STK39: variants seen among roughly 807,000 people sequenced by gnomAD.
STK39 encodes the protein serine/threonine kinase 39.
In STK39, 20 loss-of-function variants were observed where a neutral mutation model predicts 77.8. The ratio of observed to expected loss-of-function variants is 0.26; its 90% CI spans 0.18 to 0.37. The LOEUF is 0.37. Among genes scored for constraint, STK39 ranks in the 10% least tolerant of loss-of-function variants. The pLI is 1.00. For missense variants in STK39, 479 were observed against 656.5 expected (o/e 0.73, Z 2.95); for synonymous variants, 246 against 234.1 (o/e 1.05, Z -0.47).
chr2:168,215,157 T>G lies in STK39; in HGVS notation c.208+32071A>C, dbSNP rs557376584. 2.0e-5 allele frequency among the ~76,000 whole-genome samples: 3 copies of G among 152,300 alleles called. No homozygotes were observed. The South Asian group carries it at 6.2e-4, about 32-fold the overall frequency. ...CCAAACAAAAAGCCCTTTTCTGAAA[T>G]AAGTTTAAATTGTAGAGTTGTTTTT... On this transcript the variant is annotated intron_variant, in intron 1 of 17. Transcript: ENST00000355999.
intron 14 of STK39, among the ~76,000 whole-genome samples, chr2:168,042,925 T>TG (rs1423121703): frequency 2.0e-5 from 3 of 152,158 alleles, no homozygotes. Flanking sequence ...GATGGGTTTC[T>TG]GGGGATCAGT....
intron 16 of STK39, among the ~76,000 whole-genome samples, chr2:168,005,587 C>T (rs1014544689): frequency 1.3e-5 from 2 of 152,054 alleles, no homozygotes; most frequent in African/African-American, 4.8e-5. Context: ...CTATGTGTGT[C>T]AACAATGGTA....
chr2:168,007,541 T>C (rs1255627256), intron 16 of STK39, among the ~76,000 whole-genome samples: 2 of 152,064 alleles, frequency 1.3e-5, no homozygotes, highest in African/African-American at 4.8e-5. Context: ...ATACAGGCTA[T>C]TGAATGGGGA....
intron 10 of STK39, among the ~76,000 whole-genome samples, chr2:168,076,881 T>A (rs1369927414): frequency 6.6e-6 from 1 of 152,182 alleles, no homozygotes. Flanking sequence ...GGCAAAGTAC[T>A]ATAGAAAAAA....
intron 10 of STK39, among the ~76,000 whole-genome samples, chr2:168,123,859 C>T (rs1236137290): frequency 7.9e-6 from 1 of 127,046 alleles, no homozygotes; most frequent in Non-Finnish European, 1.6e-5. Context: ...GGCAAAAGAG[C>T]GAGATTCCAT....
At chr2:168,138,005 T>G in intron 8 of STK39, 83 bp downstream of exon 8, 1 of 1,505,798 alleles carries the variant, frequency 6.6e-7, no homozygotes, top group Non-Finnish European at 8.9e-7. Flanking sequence ...TCCAGTGTCC[T>G]CACAAAGCCT....
intron 14 of STK39, among the ~76,000 whole-genome samples, chr2:168,036,846 G>T (rs1262419812): frequency 1.3e-5 from 2 of 152,202 alleles, no homozygotes; most frequent in African/African-American, 4.8e-5. Context: ...GAGACTTGTA[G>T]GAAGAGGCTG....
At chr2:168,078,222 T>G (rs1686129586) in intron 10 of STK39, among the ~76,000 whole-genome samples, 1 of 152,198 alleles carries the variant, frequency 6.6e-6, no homozygotes, top group Non-Finnish European at 1.5e-5. Flanking sequence ...TATATTTTCT[T>G]CTCTTTCTCT....
At chr2:167,957,219 G>T (rs1281717718) in intron 17 of STK39, among the ~76,000 whole-genome samples, 2 of 152,088 alleles carry the variant, frequency 1.3e-5, no homozygotes, top group Non-Finnish European at 2.9e-5. Context: ...TAGCCTAAAG[G>T]ATAAAAATAT....
intron 1 of STK39, among the ~76,000 whole-genome samples, chr2:168,198,613 C>T (rs1329461489): frequency 2.0e-5 from 3 of 152,182 alleles, no homozygotes; most frequent in Non-Finnish European, 1.5e-5. Flanking sequence ...TCACAAAGCA[C>T]AGTAGGAAAT....
In STK39 at chr2:168,181,987, A is replaced by C. The variant is rs954473269; in HGVS notation, c.312T>G (p.Asp104Glu). ...INLEKCQTSM[D>E]ELLKEIQAMS... ...CTGCACTGTTACTTACTAATAGTTCATCCATACTGGTCTGGCATTTTTCCA... is the reference window on the plus strand; with the variant it reads ...CTGCACTGTTACTTACTAATAGTTCCTCCATACTGGTCTGGCATTTTTCCA... The change falls in exon 2 of 18, where the codon GAT (aspartate) becomes GAG (glutamate). Residue 104 changes from aspartate to glutamate, a missense_variant. Physicochemically the swap from Asp to Glu is conservative, Grantham distance 45 (BLOSUM62 2). Coordinates refer to ENST00000355999, the MANE Select transcript of STK39 (RefSeq NM_013233.3). 1.2e-6 allele frequency: 2 copies of C among 1,613,664 alleles called. No homozygotes were observed. Among genetic ancestry groups the C allele is most frequent in the Non-Finnish European group, 1.7e-6 (2 of 1,179,740 alleles).
At chr2:168,242,929 T>C (rs1450206292) in intron 1 of STK39, among the ~76,000 whole-genome samples, 2 of 151,208 alleles carry the variant, frequency 1.3e-5, no homozygotes, top group African/African-American at 4.9e-5. Context: ...AGAACATTTC[T>C]ATATACATTT....
chr2:168,074,221 T>A (rs942008684), intron 12 of STK39, among the ~76,000 whole-genome samples: 1 of 152,190 alleles, frequency 6.6e-6, no homozygotes, highest in Non-Finnish European at 1.5e-5. Context: ...TTAAAAAAAA[T>A]TGGGATGGAT....
intron 12 of STK39, among the ~76,000 whole-genome samples, chr2:168,069,207 C>T (rs749731439): frequency 7.9e-5 from 12 of 152,138 alleles, no homozygotes; most frequent in Non-Finnish European, 1.6e-4. Flanking sequence ...TGAGCCACTG[C>T]GCCTGACCCA....
At chr2:168,111,790 G>A (rs1410050233) in intron 10 of STK39, among the ~76,000 whole-genome samples, 1 of 152,134 alleles carries the variant, frequency 6.6e-6, no homozygotes, top group African/African-American at 2.4e-5. Context: ...AAGCTTAAAT[G>A]TGATATGCAA....
chr2:168,029,447 A>G (rs965518581), intron 14 of STK39, among the ~76,000 whole-genome samples: 2 of 152,224 alleles, frequency 1.3e-5, no homozygotes, highest in Non-Finnish European at 2.9e-5. Flanking sequence ...TTTCATATAA[A>G]TGTCTTCAAC....
At chr2:168,169,218 T>C (rs1388555617) in intron 2 of STK39, among the ~76,000 whole-genome samples, 1 of 152,130 alleles carries the variant, frequency 6.6e-6, no homozygotes, top group Non-Finnish European at 1.5e-5. Flanking sequence ...TTTCCGGTAT[T>C]AGGTTCTGAT....
chr2:167,976,638 C>G (rs1683283903), intron 16 of STK39, among the ~76,000 whole-genome samples: 3 of 152,092 alleles, frequency 2.0e-5, no homozygotes, highest in Non-Finnish European at 4.4e-5. Flanking sequence ...CCTGGACCCG[C>G]CAACCTCTGC....
At chr2:168,066,802 A>G (rs1394031469) in intron 12 of STK39, among the ~76,000 whole-genome samples, 1 of 152,242 alleles carries the variant, frequency 6.6e-6, no homozygotes, top group Non-Finnish European at 1.5e-5. Context: ...CGAGGGGACC[A>G]CAGCCTCCAC....
Sources: allele counts gnomAD v4.1 joint callset (sites outside exome capture counted in the v4.1 genomes callset), GRCh38; gene constraint gnomAD v4.1.1; transcripts MANE v1.5; gene names NCBI Gene and HGNC (gene_info 2026-07-23, HGNC 2026-07-21).